FBXL13: variants seen among roughly 807,000 people sequenced by gnomAD.
FBXL13 encodes the protein F-box and leucine rich repeat protein 13.
In FBXL13, 67 loss-of-function variants were observed where a neutral mutation model predicts 83.6. That is an observed-to-expected ratio of 0.80 (90% confidence interval 0.66 to 0.98). The LOEUF (loss-of-function observed/expected upper bound fraction) is 0.98. FBXL13 is among the 50% of genes least tolerant of loss of function. The pLI, the probability that FBXL13 is intolerant of heterozygous loss-of-function variation, is 0.00. For missense variants in FBXL13, 822 were observed against 866.5 expected (o/e 0.95, Z 0.64); for synonymous variants, 272 against 299.5 (o/e 0.91, Z 0.95).
rs763183961 is a variant in FBXL13 at position 102,920,248 on chromosome 7, G to A, written c.878+6026C>T. On this transcript the variant is annotated intron_variant, in intron 10 of 19. Transcript: ENST00000313221. ...ACAACAGAATGTGTATGTACCTTTC[G>A]AATACCTTCAGATTATACAAGTAAA... 5.9e-5 allele frequency among the ~76,000 whole-genome samples: 9 copies of A among 152,118 alleles called. No homozygotes were observed. The East Asian group carries it at 1.2e-3, about 20-fold the overall frequency.
intron 8 of FBXL13, 65 bp downstream of exon 9, chr7:102,963,468 T>C: frequency 6.3e-7 from 1 of 1,578,440 alleles, no homozygotes; most frequent in Middle Eastern, 1.7e-4. Flanking sequence ...ATCTATGCTT[T>C]TCTGTATATT....
At chr7:102,866,946 A>G (rs1232899566) in intron 16 of FBXL13, among the ~76,000 whole-genome samples, 1 of 152,222 alleles carries the variant, frequency 6.6e-6, no homozygotes, top group African/African-American at 2.4e-5. Context: ...ACACTAGAAT[A>G]TAACAAGCTG....
intron 6 of FBXL13, among the ~76,000 whole-genome samples, chr7:102,978,182 C>T (rs1827750313): frequency 6.6e-6 from 1 of 152,302 alleles, no homozygotes; most frequent in South Asian, 2.1e-4. Flanking sequence ...AAGATGGATA[C>T]TAACCTGTCT....
At chr7:102,949,999 A>G (rs1823161400) in intron 8 of FBXL13, among the ~76,000 whole-genome samples, 2 of 152,158 alleles carry the variant, frequency 1.3e-5, no homozygotes, top group Admixed American at 1.3e-4. Context: ...CCACCTACTC[A>G]GGAGACTGAG....
At chr7:102,911,434 A>G (rs1814665151) in intron 11 of FBXL13, among the ~76,000 whole-genome samples, 1 of 152,126 alleles carries the variant, frequency 6.6e-6, no homozygotes. Flanking sequence ...TATCAGTGGG[A>G]TATGTCAAGC....
At chr7:102,976,008 C>T (rs774699106) in intron 6 of FBXL13, 1 of 766,440 alleles carries the variant, frequency 1.3e-6, no homozygotes, top group Admixed American at 1.7e-5. Flanking sequence ...ATGCCCAAAC[C>T]CAGGTAAACC....
chr7:102,844,309 C>G (rs533264969), intron 17 of FBXL13, among the ~76,000 whole-genome samples: 149 of 152,238 alleles, frequency 9.8e-4, no homozygotes, highest in Non-Finnish European at 1.8e-3. Context: ...TCTTCGCCTC[C>G]CCTCCAAACC....
Position 103,044,099 on chromosome 7 carries a change from G to T in FBXL13, c.-1+11545C>A, listed in dbSNP as rs1796030393. Among the ~76,000 whole-genome samples, 3 of 152,296 alleles carry T rather than the reference G, an allele frequency of 2.0e-5. No individual in the cohort carries two copies. The South Asian group carries it at 6.2e-4, about 32-fold the overall frequency. ...AATGTTGGTAGGGGGGAACCTGAAT[G>T]AAATCAAGCATCTAGATTTAACTAC... On this transcript the variant is annotated intron_variant, in intron 2 of 19. Transcript: ENST00000313221.
intron 6 of FBXL13, among the ~76,000 whole-genome samples, chr7:102,997,592 C>T (rs1789942955): frequency 6.6e-6 from 1 of 152,182 alleles, no homozygotes; most frequent in South Asian, 2.1e-4. Flanking sequence ...CTTTCCCAGA[C>T]TCTGGTAACC....
intron 10 of FBXL13, among the ~76,000 whole-genome samples, chr7:102,921,516 C>G (rs544184863): frequency 6.6e-6 from 1 of 151,196 alleles, no homozygotes; most frequent in Admixed American, 6.6e-5. Flanking sequence ...CCTGTCTCTA[C>G]TAAAAATACA....
chr7:102,944,545 GA>G (rs745668314), intron 8 of FBXL13: 6 of 1,608,930 alleles, frequency 3.7e-6, no homozygotes, highest in African/African-American at 2.7e-5. Context: ...TGATGAATGG[GA>G]AAAAAAACAT....
At chr7:102,972,919 T>G (rs1189386402) in intron 6 of FBXL13, among the ~76,000 whole-genome samples, 2 of 151,598 alleles carry the variant, frequency 1.3e-5, no homozygotes, top group Non-Finnish European at 2.9e-5. Context: ...CTTAGTTTTA[T>G]TTTTAATTGA....
chr7:102,825,203 C>T (rs1799415154), intron 18 of FBXL13, among the ~76,000 whole-genome samples: 1 of 152,090 alleles, frequency 6.6e-6, no homozygotes, highest in Admixed American at 6.6e-5. Context: ...TTTGTTCCCT[C>T]CAAAACACAT....
At chr7:102,918,449 A>T (rs368416586) in intron 10 of FBXL13, among the ~76,000 whole-genome samples, 12 of 152,184 alleles carry the variant, frequency 7.9e-5, no homozygotes, top group Non-Finnish European at 1.8e-4. Context: ...TTCTAAGGAG[A>T]AAAAAAGCCA....
At chr7:103,005,244 A>T (rs904880154) in intron 6 of FBXL13, among the ~76,000 whole-genome samples, 1 of 152,214 alleles carries the variant, frequency 6.6e-6, no homozygotes, top group Non-Finnish European at 1.5e-5. Flanking sequence ...ATTTCTTGAG[A>T]ACAGAAAAGG....
At chr7:102,918,486 T>C (rs1306362515) in intron 10 of FBXL13, among the ~76,000 whole-genome samples, 2 of 152,200 alleles carry the variant, frequency 1.3e-5, no homozygotes, top group Non-Finnish European at 2.9e-5. Flanking sequence ...AAAATAAATA[T>C]GTTTTAAGTT....
At chr7:102,873,364 A>T (rs914128566) in intron 16 of FBXL13, among the ~76,000 whole-genome samples, 4 of 152,096 alleles carry the variant, frequency 2.6e-5, no homozygotes, top group Non-Finnish European at 4.4e-5. Flanking sequence ...TCAAGCCAAA[A>T]ATCTGGTGCC....
intron 6 of FBXL13, among the ~76,000 whole-genome samples, chr7:102,989,015 G>A (rs371899477): frequency 2.0e-5 from 3 of 152,274 alleles, no homozygotes; most frequent in Non-Finnish European, 4.4e-5. Flanking sequence ...GGGAGAAAAC[G>A]TGGCCCAGCC....
chr7:102,969,932 AAAC>A, intron 6 of FBXL13, among the ~76,000 whole-genome samples: 1 of 152,216 alleles, frequency 6.6e-6, no homozygotes, highest in East Asian at 1.9e-4. Context: ...GGCAAAAGAA[AAAC>A]TAAGGTATCT....
Sources: allele counts gnomAD v4.1 joint callset (sites outside exome capture counted in the v4.1 genomes callset), GRCh38; gene constraint gnomAD v4.1.1; transcripts MANE v1.5; gene names NCBI Gene and HGNC (gene_info 2026-07-23, HGNC 2026-07-21).